Variants in ANO7 observed in about 807,000 individuals in gnomAD.
ANO7 encodes the protein anoctamin 7, also known as anoctamin-7.
In ANO7, 114 loss-of-function variants were observed where a neutral mutation model predicts 115.8. The observed-to-expected ratio is 0.98, with a 90% CI of 0.85 to 1.15. The LOEUF (loss-of-function observed/expected upper bound fraction) is 1.15, where lower values mean the gene tolerates loss of function less well. ANO7 is among the 50% of genes most tolerant of loss of function. The pLI, the probability that ANO7 is intolerant of heterozygous loss-of-function variation, is 0.00. For synonymous variants in ANO7, 550 were observed against 498.2 expected (o/e 1.10, Z -1.38); for missense variants, 1,302 against 1,201.2 (o/e 1.08, Z -1.24).
chr2:241,196,140 C>A lies in ANO7; in HGVS notation c.309+295C>A, dbSNP rs553306027. ...CCTTTGCCATTCACCTGTCCCGTCT[C>A]CAACATTAAAGCTTTTGGGTAGGCG... On this transcript the variant is annotated intron_variant, in intron 4 of 24. Coordinates refer to ENST00000674324, the MANE Select transcript of ANO7 (RefSeq NM_001370694.2). The A allele has an allele frequency of 1.5e-5, 20 of 1,342,224 alleles. No homozygotes were observed. The South Asian group carries it at 3.3e-4, about 22-fold the overall frequency. 83.1% of individuals were successfully genotyped at this position (1,342,224 alleles called of 1,614,324 possible).
intron 20 of ANO7, 31 bp downstream of exon 20, chr2:241,217,922 CGGGGGCGCGCAGGGGCGGGGGCGGGGGG>C: frequency 1.5e-4 from 78 of 534,492 alleles, no homozygotes; most frequent in Non-Finnish European, 1.9e-4. Flanking sequence ...CGGGGCGGGG[CGGGGGCGCGCAGGGGCGGGGGCGGGGGG>C]GGCAGCGGGG....
In ANO7 at chr2:241,224,427, G is replaced by A; in HGVS notation, c.*274G>A. 1 of 489,704 alleles carries A rather than the reference G, an allele frequency of 2.0e-6. No individual in the cohort carries two copies. Among genetic ancestry groups the A allele is most frequent in the Non-Finnish European group, 3.7e-6 (1 of 269,058 alleles). 30.3% of individuals were successfully genotyped at this position (489,704 alleles called of 1,614,324 possible). ...GCCCAAGGGGCCCCTGCACCCAAGG[G>A]ACCCTGTCCCTCGGTGGCCTCCCCA... On this transcript the variant is annotated 3_prime_UTR_variant, in exon 25 of 25. Transcript: ENST00000674324.
chr2:241,218,452 G>C, intron 21 of ANO7, 71 bp downstream of exon 21: 5 of 1,223,912 alleles, frequency 4.1e-6, no homozygotes, highest in Middle Eastern at 3.3e-4. Flanking sequence ...CGGGTGGGGT[G>C]GGGGTGCGGC....
At chr2:241,233,355 A>G in the ANO7 span, among the ~76,000 whole-genome samples, 2 of 152,228 alleles carry the variant, frequency 1.3e-5, no homozygotes, top group East Asian at 3.9e-4. This position sits in a 1 kb window ranked among gnomAD's most constrained non-coding sequence, Gnocchi z 4.3. Flanking sequence ...GTGGCACTGC[A>G]ATTTGGAGGA....
Position 241,208,975 on chromosome 2 carries a change from T to C in ANO7, c.1078-310T>C, listed in dbSNP as rs4675983. On this transcript the variant is annotated intron_variant, in intron 11 of 24. Coordinates refer to ENST00000674324, the MANE Select transcript of ANO7 (RefSeq NM_001370694.2). ...CCATCCTGGCTAACACGGTGAAACC[T>C]CGTCTCTACTAAAAATACAAAAATT... Among the ~76,000 whole-genome samples, 36,474 of 151,806 alleles carry C rather than the reference T, an allele frequency of 0.24. 5,218 individuals carry two copies. Among genetic ancestry groups the C allele is most frequent in the Admixed American group, 0.41 (6,216 of 15,224 alleles).
At position 241,218,304 on chromosome 2, in the gene ANO7, C is replaced by T. The variant is rs757168483; in HGVS notation, c.2244C>T (p.His748=). The T allele has an allele frequency of 2.0e-6, 3 of 1,533,542 alleles. No homozygotes were observed. In the Admixed American group the frequency reaches 5.7e-5, roughly 29 times the overall value. The allele number at this position is 1,533,542 out of a possible 1,614,324, so 95.0% of individuals were successfully genotyped here. A position where few individuals can be genotyped will look rare whatever the true frequency, so the allele number is the denominator to read the frequency against. ...CCTACTACCGGTGGACCCGCGCCCA[C>T]GACCTGCGCGGCTTCCTCAACTTCA... The part of the protein sequence containing the change: ...PRAYYRWTRA[H]DLRGFLNFTL... The change falls in exon 21 of 25, where the codon CAC becomes CAT. Residue 748 remains histidine, a synonymous_variant. Coordinates refer to ENST00000674324, the MANE Select transcript of ANO7 (RefSeq NM_001370694.2).
At position 241,190,472 on chromosome 2, in the gene ANO7, G is replaced by T. The variant is rs907430252; in HGVS notation, c.108+301G>T. 3.3e-5 allele frequency among the ~76,000 whole-genome samples: 5 copies of T among 152,314 alleles called. 1 individual carries two copies. The East Asian group carries it at 7.7e-4, about 24-fold the overall frequency. ...GCAAGACCAGGGCGGGGCCCTCCCT[G>T]TGGTGTCAGTCCCAGTCAGTGCAGG... On this transcript the variant is annotated intron_variant, in intron 2 of 24. Transcript: ENST00000674324.
chr2:241,230,776 T>C (rs2069652585), downstream of ANO7: 1 of 1,614,034 alleles, frequency 6.2e-7, no homozygotes, highest in South Asian at 1.1e-5. This position sits in a 1 kb window ranked among gnomAD's most constrained non-coding sequence, Gnocchi z 5.0. Context: ...TCGTCCATGA[T>C]TTTGCGAATG....
Position 241,197,412 on chromosome 2 carries a change from G to A in ANO7, c.309+1567G>A, listed in dbSNP as rs183828045. Among the ~76,000 whole-genome samples, 24 of 152,088 alleles carry A rather than the reference G, an allele frequency of 1.6e-4. No individual in the cohort carries two copies. In the East Asian group the frequency reaches 4.1e-3, roughly 26 times the overall value. The stretch of plus-strand genomic sequence containing the variant: ...ACCGCGCCAGGCCTAACGAGACAGG[G>A]TCTTGTTCTGTTGCCCTGGCCGGAG... On this transcript the variant is annotated intron_variant, in intron 4 of 24. Coordinates refer to ENST00000674324, the MANE Select transcript of ANO7 (RefSeq NM_001370694.2).
intron 19 of ANO7, 67 bp from the exon 20 acceptor site, chr2:241,217,619 G>A (rs1574793462): frequency 3.3e-6 from 5 of 1,513,130 alleles, no homozygotes; most frequent in Non-Finnish European, 4.4e-6. Context: ...GTCCTCCGCG[G>A]GGGGCGCGTT....
At chr2:241,214,005 G>A (rs1475569959) in intron 17 of ANO7, among the ~76,000 whole-genome samples, 4 of 152,176 alleles carry the variant, frequency 2.6e-5, no homozygotes, top group East Asian at 1.9e-4. Flanking sequence ...GGGAGTTTTC[G>A]GCCAGGCGTG....
chr2:241,218,740 C>T (rs908093529), intron 21 of ANO7, among the ~76,000 whole-genome samples: 4 of 152,132 alleles, frequency 2.6e-5, no homozygotes, highest in Admixed American at 2.6e-4. Flanking sequence ...GAGCGGAGCT[C>T]GCCGAAAAAG....
chr2:241,214,331 T>C (rs1383356169), intron 17 of ANO7, among the ~76,000 whole-genome samples: 2 of 152,218 alleles, frequency 1.3e-5, no homozygotes, highest in Non-Finnish European at 2.9e-5. Context: ...CAGCATTGCC[T>C]GTGTTCTCAG....
At chr2:241,195,308 C>T (rs1391798468) in intron 3 of ANO7, among the ~76,000 whole-genome samples, 1 of 152,170 alleles carries the variant, frequency 6.6e-6, no homozygotes, top group Non-Finnish European at 1.5e-5. Context: ...AAATCAGGGG[C>T]TTCGGAAACT....
Position 241,223,797 on chromosome 2 carries a change from C to G in ANO7, c.2532+16C>G, listed in dbSNP as rs1213083238. 4 of 1,614,078 alleles carry G rather than the reference C, an allele frequency of 2.5e-6. No individual in the cohort carries two copies. The highest frequency in any genetic ancestry group is 3.4e-6 in the Non-Finnish European group (4 of 1,180,030). ...TGAGAATGAGGTGAACTGTACAGCC[C>G]AGTCTCGGCCCTCCCCCCAGCCCTC... On this transcript the variant is annotated intron_variant, in intron 23 of 24. Coordinates refer to ENST00000674324, the MANE Select transcript of ANO7 (RefSeq NM_001370694.2).
rs1195344527 is a variant in ANO7 at position 241,210,307 on chromosome 2, G to T, written c.1372G>T (p.Val458Phe). 1.2e-6 allele frequency: 2 copies of T among 1,613,816 alleles called. No homozygotes were observed. The highest frequency in any genetic ancestry group is 1.7e-6 in the Non-Finnish European group (2 of 1,179,968). Residue 458 changes from valine to phenylalanine, a missense_variant, in exon 14 of 25, where the codon GTC (valine) becomes TTC (phenylalanine). Transcript: ENST00000674324. Reference protein sequence around the residue: ...VVIVVMVAVVVMCLVSIILYR... With the variant: ...VVIVVMVAVVFMCLVSIILYR... ...CCTGCCCCCGCAGGTGGCCGTGGTG[G>T]TCATGTGCCTCGTGTCTATCATCCT... is the stretch of plus-strand genomic sequence containing the variant.
At chr2:241,234,808 T>C in the ANO7 span, among the ~76,000 whole-genome samples, 3 of 152,200 alleles carry the variant, frequency 2.0e-5, no homozygotes, top group Non-Finnish European at 4.4e-5. Flanking sequence ...AGCACATGCT[T>C]GGGGGCCTCT....
chr2:241,231,595 T>G, the ANO7 span, among the ~76,000 whole-genome samples: 41 of 152,232 alleles, frequency 2.7e-4, no homozygotes, highest in African/African-American at 7.2e-4. Context: ...GCTTCCTGCT[T>G]CTTTGCCCAC....
In ANO7 at chr2:241,210,342, C is replaced by T. The variant is rs932500224; in HGVS notation, c.1407C>T (p.Ala469=). 11 of 1,613,956 alleles carry T rather than the reference C, an allele frequency of 6.8e-6. No individual in the cohort carries two copies. In the Admixed American group the frequency reaches 1.8e-4, roughly 27 times the overall value. The change falls in exon 14 of 25, where the codon GCC becomes GCT. Residue 469 remains alanine, a synonymous_variant. Coordinates refer to ENST00000674324, the MANE Select transcript of ANO7 (RefSeq NM_001370694.2). ...MCLVSIILYR[A]IMAIVVSRSG... ...TCGTGTCTATCATCCTGTACCGTGC[C>T]ATCATGGCCATCGTGGTGTCCAGGT...
Sources: gnomAD v4.1 joint callset for allele counts (sites outside exome capture counted in the v4.1 genomes callset) on GRCh38, gnomAD v4.1.1 for gene constraint, Gnocchi (gnomAD v3.1) non-coding constraint, MANE v1.5 for transcripts, NCBI Gene and HGNC (gene_info 2026-07-23, HGNC 2026-07-21) for gene names.